The following FRMD4B variants were observed in gnomAD, a reference collection of about 807,000 sequenced individuals.
FRMD4B encodes the protein FERM domain-containing protein 4B.
In FRMD4B, 74 loss-of-function variants were observed where a neutral mutation model predicts 141.5. The observed-to-expected ratio is 0.52, with a 90% confidence interval of 0.43 to 0.63. The LOEUF (loss-of-function observed/expected upper bound fraction) is 0.63. Ranked by LOEUF, FRMD4B falls within the 30% of genes least tolerant of loss-of-function variation. The probability of loss-of-function intolerance (pLI) is 0.00; values close to 1 mark genes in which losing one functional copy is unlikely to be tolerated. For missense variants in FRMD4B, 1,366 were observed against 1,253.4 expected (o/e 1.09, Z -1.36); for synonymous variants, 506 against 467.9 (o/e 1.08, Z -1.05).
chr3:69,484,367 C>T (rs1001144412), intron 1 of FRMD4B, among the ~76,000 whole-genome samples: 17 of 152,086 alleles, frequency 1.1e-4, no homozygotes, highest in African/African-American at 4.1e-4. Context: ...TATATTTGTA[C>T]CAGGTGCTAT....
chr3:69,185,910 C>T (rs145439552), intron 19 of FRMD4B, among the ~76,000 whole-genome samples: 422 of 151,828 alleles, frequency 2.8e-3, no homozygotes, highest in African/African-American at 9.6e-3. Context: ...GGTGTGGTGG[C>T]GGGCATCTGT....
intron 1 of FRMD4B, among the ~76,000 whole-genome samples, chr3:69,455,058 T>C (rs1207597161): frequency 1.3e-5 from 2 of 152,196 alleles, no homozygotes; most frequent in African/African-American, 2.4e-5. Flanking sequence ...TAAAGGATTG[T>C]AAATACACCA....
intron 1 of FRMD4B, among the ~76,000 whole-genome samples, chr3:69,371,673 A>G (rs1268364897): frequency 6.6e-6 from 1 of 152,196 alleles, no homozygotes. Flanking sequence ...TTGAAGGTAG[A>G]GCCAAAGGGA....
chr3:69,322,590 CTCTCTTTTTTTTTT>C (rs759126133), intron 1 of FRMD4B, among the ~76,000 whole-genome samples: 6 of 134,546 alleles, frequency 4.5e-5, no homozygotes, highest in Non-Finnish European at 9.7e-5. Context: ...ATTTTTCTCT[CTCTCTTTTTTTTTT>C]TTTTTTTTTT....
chr3:69,235,154 AATAAT>A (rs1471473474), intron 7 of FRMD4B, among the ~76,000 whole-genome samples: 1 of 49,548 alleles, frequency 2.0e-5, no homozygotes, highest in Non-Finnish European at 3.8e-5. Context: ...TGTCTCAAAT[AATAAT>A]AATAATAATA....
chr3:69,215,196 A>T (rs937784271), intron 11 of FRMD4B, among the ~76,000 whole-genome samples: 6 of 151,232 alleles, frequency 4.0e-5, no homozygotes, highest in African/African-American at 7.3e-5. Flanking sequence ...GAATTTTTTT[A>T]AAAAAACAGC....
rs568018345 is a variant in FRMD4B at position 69,261,611 on chromosome 3, G to A, written c.502-11512C>T. Reference sequence around the variant, plus strand: ...TATCTTACTGCACACTTCATACGTGGCTGGTGGACTCTAAGTTGGTATTGT... The same window carrying A: ...TATCTTACTGCACACTTCATACGTGACTGGTGGACTCTAAGTTGGTATTGT... On this transcript the variant is annotated intron_variant, in intron 5 of 22. Transcript: ENST00000398540. Among the ~76,000 whole-genome samples, 5 of 152,282 alleles carry A rather than the reference G, an allele frequency of 3.3e-5. 1 individual carries two copies. The South Asian group carries it at 1.0e-3, about 32-fold the overall frequency.
chr3:69,225,952 C>T (rs901563078), intron 7 of FRMD4B, among the ~76,000 whole-genome samples: 4 of 152,160 alleles, frequency 2.6e-5, no homozygotes, highest in Admixed American at 1.3e-4. Flanking sequence ...AGCTACCCTT[C>T]GATGAAAGGC....
At chr3:69,283,970 CAAAACAAAA>C (rs2093655640) in intron 5 of FRMD4B, among the ~76,000 whole-genome samples, 1 of 137,760 alleles carries the variant, frequency 7.3e-6, no homozygotes, top group Non-Finnish European at 1.6e-5. Flanking sequence ...CAAAACAAAA[CAAAACAAAA>C]AAAACAAAAA....
intron 1 of FRMD4B, among the ~76,000 whole-genome samples, chr3:69,524,926 C>T (rs1490396916): frequency 1.3e-5 from 2 of 152,202 alleles, no homozygotes; most frequent in Non-Finnish European, 2.9e-5. Flanking sequence ...AAAAAGCAGT[C>T]TCTGCCACAC....
At chr3:69,274,140 G>C (rs1358520542) in intron 5 of FRMD4B, among the ~76,000 whole-genome samples, 1 of 152,084 alleles carries the variant, frequency 6.6e-6, no homozygotes, top group African/African-American at 2.4e-5. Context: ...AAAGAGCCTA[G>C]AGTGATAAGC....
chr3:69,527,455 A>G (rs1167607518), intron 1 of FRMD4B, among the ~76,000 whole-genome samples: 15 of 152,168 alleles, frequency 9.9e-5, no homozygotes, highest in Non-Finnish European at 2.1e-4. Context: ...TAGTGCTGTT[A>G]CCCAACAGTC....
chr3:69,288,290 GAGGGCCCCA>G (rs1700760854), intron 4 of FRMD4B, among the ~76,000 whole-genome samples: 1 of 152,234 alleles, frequency 6.6e-6, no homozygotes, highest in South Asian at 2.1e-4. Flanking sequence ...GGAGGGGCCT[GAGGGCCCCA>G]TGCCTACCTG....
intron 19 of FRMD4B, among the ~76,000 whole-genome samples, chr3:69,186,573 A>T (rs1052014213): frequency 6.6e-6 from 1 of 152,170 alleles, no homozygotes; most frequent in Non-Finnish European, 1.5e-5. Context: ...TTAGCCAGGC[A>T]TGATGGCGCG....
intron 1 of FRMD4B, among the ~76,000 whole-genome samples, chr3:69,435,626 G>A (rs1272484382): frequency 6.6e-6 from 1 of 152,130 alleles, no homozygotes; most frequent in African/African-American, 2.4e-5. Context: ...CCTTTACAGA[G>A]AAAGTTTGCT....
intron 1 of FRMD4B, among the ~76,000 whole-genome samples, chr3:69,537,099 C>T (rs1320740812): frequency 6.6e-6 from 1 of 152,184 alleles, no homozygotes; most frequent in East Asian, 1.9e-4. Flanking sequence ...CTAGTCACGG[C>T]CCCCTAAAAT....
At chr3:69,217,843 T>C (rs1226083291) in intron 10 of FRMD4B, among the ~76,000 whole-genome samples, 7 of 152,134 alleles carry the variant, frequency 4.6e-5, no homozygotes, top group African/African-American at 1.4e-4. Flanking sequence ...TGTCAATCTC[T>C]CCCTGCTTAT....
chr3:69,499,945 G>A (rs1054965347), intron 1 of FRMD4B, among the ~76,000 whole-genome samples: 3 of 152,220 alleles, frequency 2.0e-5, no homozygotes, highest in Admixed American at 6.5e-5. Flanking sequence ...CTGGCTTCAC[G>A]GCTTGGTCAA....
intron 8 of FRMD4B, 93 bp from the exon 9 acceptor site, chr3:69,222,016 G>T: frequency 1.4e-6 from 1 of 732,798 alleles, no homozygotes; most frequent in South Asian, 1.5e-5. Context: ...CAGGAAACTT[G>T]AGAGAGAAAG....
Sources: allele counts gnomAD v4.1 joint callset (sites outside exome capture counted in the v4.1 genomes callset), GRCh38; gene constraint gnomAD v4.1.1; transcripts MANE v1.5; gene names NCBI Gene and HGNC (gene_info 2026-07-23, HGNC 2026-07-21).